The following GRM7 variants were observed in gnomAD, a reference collection of about 807,000 sequenced individuals.
GRM7 encodes the protein metabotropic glutamate receptor 7.
A neutral mutation model predicts 84.5 loss-of-function variants in GRM7; 35 were observed. The observed-to-expected ratio is 0.41, with a 90% CI of 0.32 to 0.55. The LOEUF (loss-of-function observed/expected upper bound fraction) is 0.55, where lower values mean the gene tolerates loss of function less well. Among genes scored for constraint, GRM7 ranks in the 20% least tolerant of loss-of-function variants. The pLI, the probability that GRM7 is intolerant of heterozygous loss-of-function variation, is 0.19. For missense variants in GRM7, 1,003 were observed against 1,194.6 expected, an observed-to-expected ratio of 0.84 and a Z score of 2.36; for synonymous variants, 487 against 455.1, an observed-to-expected ratio of 1.07 and a Z score of -0.89.
intron 4 of GRM7, among the ~76,000 whole-genome samples, chr3:7,384,646 A>C (rs1313015896): frequency 6.6e-6 from 1 of 152,206 alleles, no homozygotes; most frequent in Non-Finnish European, 1.5e-5. Context: ...AAGTCTTCAA[A>C]ATCTTGGATG....
At chr3:7,650,066 C>G (rs1474866123) in intron 8 of GRM7, among the ~76,000 whole-genome samples, 1 of 152,130 alleles carries the variant, frequency 6.6e-6, no homozygotes, top group East Asian at 1.9e-4. Flanking sequence ...ATGCTTGTGT[C>G]TAGATATCCA....
At chr3:7,382,580 C>G (rs534387881) in intron 4 of GRM7, among the ~76,000 whole-genome samples, 28 of 152,186 alleles carry the variant, frequency 1.8e-4, no homozygotes, top group African/African-American at 6.7e-4. Flanking sequence ...TTTGAGTTCA[C>G]TCTGAATAAT....
At chr3:7,617,143 A>C (rs1450374785) in intron 8 of GRM7, among the ~76,000 whole-genome samples, 1 of 152,120 alleles carries the variant, frequency 6.6e-6, no homozygotes, top group Non-Finnish European at 1.5e-5. Context: ...GTGAAAAATC[A>C]GACCTTGGCA....
At chr3:7,087,726 T>G (rs549929275) in intron 1 of GRM7, among the ~76,000 whole-genome samples, 2 of 152,294 alleles carry the variant, frequency 1.3e-5, no homozygotes, top group African/African-American at 2.4e-5. Context: ...TTTATAGTTG[T>G]GGTACGAGGA....
intron 1 of GRM7, among the ~76,000 whole-genome samples, chr3:6,886,529 C>T (rs115187259): frequency 0.048 from 7,258 of 152,068 alleles, 187 homozygotes; most frequent in African/African-American, 0.05. Context: ...TTCTCAAGCT[C>T]AATAATTCTG....
chr3:7,172,904 CACATAT>C (rs898487908), intron 2 of GRM7, among the ~76,000 whole-genome samples: 1 of 151,984 alleles, frequency 6.6e-6, no homozygotes, highest in Non-Finnish European at 1.5e-5. Flanking sequence ...GAGGAGGATA[CACATAT>C]ACATATCTAT....
At chr3:7,110,874 C>T (rs1692825873) in intron 1 of GRM7, among the ~76,000 whole-genome samples, 1 of 151,886 alleles carries the variant, frequency 6.6e-6, no homozygotes, top group Admixed American at 6.6e-5. Context: ...AGATGAGGAA[C>T]ATTCAACACA....
At chr3:7,307,995 T>C (rs1700252727) in intron 4 of GRM7, among the ~76,000 whole-genome samples, 1 of 152,034 alleles carries the variant, frequency 6.6e-6, no homozygotes, top group African/African-American at 2.4e-5. Flanking sequence ...GGTGATATGG[T>C]TGGGGAAGAT....
chr3:7,070,272 A>C (rs568558291), intron 1 of GRM7, among the ~76,000 whole-genome samples: 24 of 152,276 alleles, frequency 1.6e-4, no homozygotes, highest in Non-Finnish European at 2.8e-4. Context: ...AATTATCAGA[A>C]TAACAGTTTC....
rs566586250 is a variant in GRM7 at position 6,912,289 on chromosome 3, T to C, written c.519+50382T>C. ...CTAAGATGTAGAATGAGCTATAATATGCCCTGTGAATTTTCATGTGAAGTA... is the reference window on the plus strand; with the variant it reads ...CTAAGATGTAGAATGAGCTATAATACGCCCTGTGAATTTTCATGTGAAGTA... On this transcript the variant is annotated intron_variant, in intron 1 of 9. Coordinates refer to ENST00000357716, the MANE Select transcript of GRM7 (RefSeq NM_000844.4). Among the ~76,000 whole-genome samples the C allele has an allele frequency of 5.9e-5, 9 of 152,310 alleles. No individual in the cohort carries two copies. The South Asian group carries it at 1.9e-3, about 32-fold the overall frequency.
At chr3:6,974,378 A>G (rs1375337486) in intron 1 of GRM7, among the ~76,000 whole-genome samples, 2 of 152,308 alleles carry the variant, frequency 1.3e-5, no homozygotes, top group African/African-American at 2.4e-5. Flanking sequence ...GAGGACATCA[A>G]TTTGGGAGCT....
intron 8 of GRM7, among the ~76,000 whole-genome samples, chr3:7,639,244 G>A (rs1339836841): frequency 6.6e-6 from 1 of 152,116 alleles, no homozygotes; most frequent in African/African-American, 2.4e-5. Context: ...ATACATTTCT[G>A]TCACTCCCCT....
intron 2 of GRM7, among the ~76,000 whole-genome samples, chr3:7,222,202 C>T (rs1224019293): frequency 6.6e-6 from 1 of 152,016 alleles, no homozygotes; most frequent in Non-Finnish European, 1.5e-5. Flanking sequence ...TGTCTGAATG[C>T]CTTTTTTGTC....
At chr3:7,015,783 C>G (rs1294552583) in intron 1 of GRM7, among the ~76,000 whole-genome samples, 4 of 152,180 alleles carry the variant, frequency 2.6e-5, no homozygotes, top group Admixed American at 6.5e-5. Flanking sequence ...CTTGAGTGTC[C>G]TTACAACATG....
At chr3:6,948,725 G>A (rs1698189565) in intron 1 of GRM7, among the ~76,000 whole-genome samples, 1 of 152,202 alleles carries the variant, frequency 6.6e-6, no homozygotes, top group African/African-American at 2.4e-5. Context: ...CTTGCTTTAT[G>A]AATCTGGGTG....
chr3:6,927,310 C>G (rs2125039906), intron 1 of GRM7, among the ~76,000 whole-genome samples: 1 of 152,084 alleles, frequency 6.6e-6, no homozygotes, highest in South Asian at 2.1e-4. Flanking sequence ...TGCTTGTAAT[C>G]CCAGCTATTC....
chr3:7,329,258 C>A (rs1027032934), intron 4 of GRM7, among the ~76,000 whole-genome samples: 4 of 152,180 alleles, frequency 2.6e-5, no homozygotes, highest in Non-Finnish European at 5.9e-5. Flanking sequence ...TCCCAAGGTG[C>A]TCATTCTAGT....
intron 1 of GRM7, among the ~76,000 whole-genome samples, chr3:6,890,780 G>A (rs1308128443): frequency 1.3e-5 from 2 of 151,768 alleles, no homozygotes; most frequent in African/African-American, 2.4e-5. Flanking sequence ...CAATTCCTGG[G>A]TATCCTTGTT....
intron 1 of GRM7, among the ~76,000 whole-genome samples, chr3:7,012,291 C>A (rs367896365): frequency 7.2e-5 from 11 of 152,228 alleles, no homozygotes; most frequent in African/African-American, 2.4e-4. Context: ...CACATCCTTG[C>A]CTGATACTTT....
Sources: allele counts gnomAD v4.1 joint callset (sites outside exome capture counted in the v4.1 genomes callset), GRCh38; gene constraint gnomAD v4.1.1; transcripts MANE v1.5; gene names NCBI Gene and HGNC (gene_info 2026-07-23, HGNC 2026-07-21).